The following CSGALNACT1 variants were observed in gnomAD, a reference collection of about 807,000 sequenced individuals.
CSGALNACT1 encodes the protein beta4GalNAcT-1.
Under a neutral mutation model 51.0 loss-of-function variants are expected in CSGALNACT1, and 52 were observed. The observed-to-expected ratio is 1.02, with a 90% confidence interval of 0.82 to 1.29. CSGALNACT1 has a LOEUF of 1.29. Among genes scored for constraint, CSGALNACT1 ranks in the 50% most tolerant of loss-of-function variants. The pLI, the probability that CSGALNACT1 is intolerant of heterozygous loss-of-function variation, is 0.00. For synonymous variants in CSGALNACT1, 341 were observed against 254.4 expected, an observed-to-expected ratio of 1.34 and a Z score of -3.24; for missense variants, 935 against 679.2, an observed-to-expected ratio of 1.38 and a Z score of -4.19.
exon 4 of CSGALNACT1, chr8:19,505,601 C>T (rs780586046): frequency 6.2e-7 from 1 of 1,614,138 alleles, no homozygotes; most frequent in South Asian, 1.1e-5. Flanking sequence ...GCTGTGCGAT[C>T]TGCCGCTTCA....
intron 1 of CSGALNACT1, among the ~76,000 whole-genome samples, chr8:19,718,513 CTG>C (rs1296325893): frequency 6.6e-6 from 1 of 152,214 alleles, no homozygotes; most frequent in Non-Finnish European, 1.5e-5. Flanking sequence ...GCAAGTGAAT[CTG>C]TGTTTTTAAA....
chr8:19,617,687 C>A (rs1234945203), intron 1 of CSGALNACT1, among the ~76,000 whole-genome samples: 1 of 152,168 alleles, frequency 6.6e-6, no homozygotes, highest in East Asian at 1.9e-4. Flanking sequence ...AAGGCAGACT[C>A]ATGGGAGTAG....
chr8:19,522,025 T>C (rs772817667), intron 3 of CSGALNACT1, among the ~76,000 whole-genome samples: 4 of 152,180 alleles, frequency 2.6e-5, no homozygotes, highest in African/African-American at 7.2e-5. Flanking sequence ...GGCTCTGAGG[T>C]TGAGACCATT....
intron 3 of CSGALNACT1, among the ~76,000 whole-genome samples, chr8:19,533,198 C>A (rs539808793): frequency 2.0e-5 from 3 of 152,190 alleles, no homozygotes; most frequent in East Asian, 1.9e-4. Context: ...CTCACCACAG[C>A]CTCAAACTTT....
At position 19,527,069 on chromosome 8, in the gene CSGALNACT1, C is replaced by G. The variant is rs145638191; in HGVS notation, c.-296-20939G>C. 2.0e-5 allele frequency among the ~76,000 whole-genome samples: 3 copies of G among 152,208 alleles called. No homozygotes were observed. In the East Asian group the frequency reaches 5.8e-4, roughly 29 times the overall value. ...ACTATGTAGCTAAAGACAGGTAAAGCTCACGATATCAAGATAAGTAAGACA... is the reference window on the plus strand; with the variant it reads ...ACTATGTAGCTAAAGACAGGTAAAGGTCACGATATCAAGATAAGTAAGACA... On this transcript the variant is annotated intron_variant, in intron 3 of 9. Transcript: ENST00000454498.
At chr8:19,523,588 C>A (rs1001985423) in intron 3 of CSGALNACT1, among the ~76,000 whole-genome samples, 2 of 152,122 alleles carry the variant, frequency 1.3e-5, no homozygotes, top group African/African-American at 4.8e-5. Flanking sequence ...ACTATTCACA[C>A]CCAGGCTACA....
At chr8:19,505,069 G>A (rs984599124) in intron 4 of CSGALNACT1, 132 bp downstream of exon 3, 5 of 916,044 alleles carry the variant, frequency 5.5e-6, no homozygotes, top group East Asian at 2.4e-5. Context: ...ACCTTTTGGT[G>A]TCACACACAT....
chr8:19,499,645 C>T (rs1484746320), intron 4 of CSGALNACT1, among the ~76,000 whole-genome samples: 1 of 152,152 alleles, frequency 6.6e-6, no homozygotes, highest in Non-Finnish European at 1.5e-5. Context: ...AGAGCTGGTC[C>T]TCATCAAAGT....
At chr8:19,440,623 C>A (rs957479455) in intron 5 of CSGALNACT1, among the ~76,000 whole-genome samples, 6 of 152,128 alleles carry the variant, frequency 3.9e-5, no homozygotes, top group Non-Finnish European at 7.3e-5. Context: ...ATTGAATGGG[C>A]AAAAACTGGA....
intron 3 of CSGALNACT1, among the ~76,000 whole-genome samples, chr8:19,519,441 A>G (rs1484779368): frequency 1.3e-5 from 2 of 152,300 alleles, no homozygotes; most frequent in African/African-American, 4.8e-5. Flanking sequence ...TTTTCAATAT[A>G]CAGAGAATTA....
intron 1 of CSGALNACT1, among the ~76,000 whole-genome samples, chr8:19,747,342 G>T (rs971377019): frequency 6.6e-6 from 1 of 152,134 alleles, no homozygotes; most frequent in East Asian, 1.9e-4. Flanking sequence ...AGGGTCTAAG[G>T]AGGCGTTCCC....
chr8:19,635,206 C>G (rs117148498), intron 1 of CSGALNACT1, among the ~76,000 whole-genome samples: 2 of 152,276 alleles, frequency 1.3e-5, no homozygotes, highest in Admixed American at 1.3e-4. Context: ...AGCTACCCGT[C>G]CTCTCCTGAG....
intron 3 of CSGALNACT1, among the ~76,000 whole-genome samples, chr8:19,552,483 G>A (rs2088404927): frequency 1.3e-5 from 2 of 152,018 alleles, no homozygotes; most frequent in South Asian, 4.1e-4. Flanking sequence ...ATCACTCCGA[G>A]ACCAAGTTTC....
intron 4 of CSGALNACT1, among the ~76,000 whole-genome samples, chr8:19,487,105 T>G (rs567897980): frequency 5.1e-4 from 78 of 152,172 alleles, no homozygotes; most frequent in Non-Finnish European, 7.5e-4. Flanking sequence ...TTCTGAAGAA[T>G]TGCCTCAATT....
chr8:19,678,902 A>G (rs1454818339), intron 1 of CSGALNACT1: 6 of 152,152 alleles, frequency 3.9e-5, no homozygotes, highest in Admixed American at 1.3e-4. Flanking sequence ...ATAGAAACCA[A>G]TGCAATTAGT....
intron 1 of CSGALNACT1, among the ~76,000 whole-genome samples, chr8:19,707,282 C>A (rs2062226343): frequency 6.6e-6 from 1 of 152,118 alleles, no homozygotes; most frequent in Admixed American, 6.5e-5. Flanking sequence ...TATAATTAGG[C>A]ATAACAAATT....
intron 1 of CSGALNACT1, among the ~76,000 whole-genome samples, chr8:19,650,416 G>T (rs887511280): frequency 6.6e-6 from 1 of 152,180 alleles, no homozygotes; most frequent in Non-Finnish European, 1.5e-5. Context: ...TCCAGGAGGG[G>T]TTCTAGTTTC....
chr8:19,545,857 T>C (rs1003792261), intron 3 of CSGALNACT1, among the ~76,000 whole-genome samples: 49 of 148,362 alleles, frequency 3.3e-4, no homozygotes, highest in African/African-American at 1.1e-3. Flanking sequence ...AGTTATATAC[T>C]ATATATTATA....
rs34197786 is a variant in CSGALNACT1, at chr8:19,666,831, GAGAAAGAAAGAAAGAA to G, written c.-544+15626_-544+15641del. The stretch of plus-strand genomic sequence containing the variant: ...AGAAAGAGAGAGAGAGAGAGAGAGA[GAGAAAGAAAGAAAGAA>G]AGAAAGAAAGAAAGAAAGAAAGAAA... On this transcript the variant is annotated intron_variant, in intron 1 of 9. Coordinates refer to the CSGALNACT1 transcript ENST00000332246. Among the ~76,000 whole-genome samples the G allele has an allele frequency of 1.9e-3, 47 of 24,934 alleles. 1 individual carries two copies. Among genetic ancestry groups the G allele is most frequent in the Non-Finnish European group, 2.8e-3 (37 of 13,318 alleles). The allele number at this position is 24,934 out of a possible 152,430, so 16.4% of individuals were successfully genotyped here.
Sources: allele counts gnomAD v4.1 joint callset (sites outside exome capture counted in the v4.1 genomes callset), GRCh38; gene constraint gnomAD v4.1.1; transcripts MANE v1.5; gene names NCBI Gene and HGNC (gene_info 2026-07-23, HGNC 2026-07-21).